The following CABIN1 variants were observed in gnomAD, a reference collection of about 807,000 sequenced individuals.
CABIN1 encodes the protein calcineurin binding protein 1.
CABIN1 carries 133 observed loss-of-function variants against 227.7 expected under a neutral mutation model. That is an observed-to-expected ratio of 0.58 (90% CI 0.51 to 0.67). The LOEUF is 0.67. Ranked by LOEUF, CABIN1 falls within the 30% of genes least tolerant of loss-of-function variation. The probability of loss-of-function intolerance (pLI) is 0.00; values close to 1 mark genes in which losing one functional copy is unlikely to be tolerated. For missense variants in CABIN1, 2,408 were observed against 2,852.5 expected, an observed-to-expected ratio of 0.84 and a Z score of 3.55; for synonymous variants, 1,086 against 1,155.1, an observed-to-expected ratio of 0.94 and a Z score of 1.21.
intron 24 of CABIN1, among the ~76,000 whole-genome samples, chr22:24,095,618 G>T (rs772520524): frequency 5.9e-5 from 9 of 152,216 alleles, no homozygotes; most frequent in Non-Finnish European, 1.0e-4. Context: ...CAGCAGCACT[G>T]TGGCGGGAGG....
chr22:24,165,677 A>C (rs1180594238), intron 31 of CABIN1, 51 bp downstream of exon 31: 1 of 1,482,864 alleles, frequency 6.7e-7, no homozygotes, highest in African/African-American at 1.4e-5. Context: ...CACGCTTCCA[A>C]GCCCTTCCCA....
chr22:24,078,813 A>G (rs1202920393), intron 19 of CABIN1, among the ~76,000 whole-genome samples: 3 of 152,060 alleles, frequency 2.0e-5, no homozygotes, highest in Non-Finnish European at 2.9e-5. Flanking sequence ...ACAAGAAAGC[A>G]TGCTCTTCAC....
chr22:24,056,517 G>C, intron 10 of CABIN1, 157 bp downstream of exon 10: 1 of 744,266 alleles, frequency 1.3e-6, no homozygotes, highest in Non-Finnish European at 2.2e-6. Context: ...AATCTCACTG[G>C]AGTAGGATCT....
chr22:24,090,798 C>T (rs1477121462), intron 23 of CABIN1, among the ~76,000 whole-genome samples: 2 of 152,104 alleles, frequency 1.3e-5, no homozygotes, highest in African/African-American at 4.8e-5. Flanking sequence ...TCCCTGCTAT[C>T]AATCCAGGAC....
intron 25 of CABIN1, 69 bp downstream of exon 25, chr22:24,096,151 C>A: frequency 1.3e-6 from 2 of 1,542,572 alleles, no homozygotes; most frequent in Non-Finnish European, 1.8e-6. Flanking sequence ...TCGTTTACTG[C>A]AATGTGTTGT....
intron 28 of CABIN1, among the ~76,000 whole-genome samples, chr22:24,123,286 C>T (rs1236044256): frequency 6.6e-6 from 1 of 152,196 alleles, no homozygotes; most frequent in Non-Finnish European, 1.5e-5. Flanking sequence ...CCTTGGTTCT[C>T]AGAAATGGAA....
intron 19 of CABIN1, among the ~76,000 whole-genome samples, chr22:24,077,708 C>G (rs2040538515): frequency 1.3e-5 from 2 of 152,224 alleles, no homozygotes; most frequent in Admixed American, 1.3e-4. Flanking sequence ...AACCAACCCT[C>G]TGCAGGGACA....
intron 33 of CABIN1, among the ~76,000 whole-genome samples, chr22:24,170,908 ACTC>A: frequency 6.6e-6 from 1 of 151,956 alleles, no homozygotes; most frequent in Non-Finnish European, 1.5e-5. Context: ...GGGTGGACCC[ACTC>A]CTCTGCTCAG....
In CABIN1 at chr22:24,178,582, C is replaced by A. The variant is rs948636017; in HGVS notation, c.*386C>A. Reference sequence around the variant, plus strand: ...GAGGGGTCCTTTAGGGCCAGGCTCACCCCTCACCCTTTTTTTGGTTGCTTT... The same window carrying A: ...GAGGGGTCCTTTAGGGCCAGGCTCAACCCTCACCCTTTTTTTGGTTGCTTT... On this transcript the variant is annotated 3_prime_UTR_variant, in exon 37 of 37. Transcript: ENST00000263119. The A allele has an allele frequency of 6.7e-6, 2 of 300,680 alleles. No homozygotes were observed. The highest frequency in any genetic ancestry group is 2.2e-5 in the African/African-American group (1 of 46,412). The allele number at this position is 300,680 out of a possible 1,614,324, so 18.6% of individuals were successfully genotyped here.
intron 29 of CABIN1, 47 bp from the exon 30 acceptor site, chr22:24,164,353 C>T (rs996329866): frequency 1.9e-6 from 3 of 1,597,892 alleles, no homozygotes; most frequent in Non-Finnish European, 2.5e-6. Flanking sequence ...CCCCGAGGCT[C>T]CTGCCACAAC....
At chr22:24,159,874 G>A in intron 29 of CABIN1, among the ~76,000 whole-genome samples, 1 of 152,226 alleles carries the variant, frequency 6.6e-6, no homozygotes, top group East Asian at 1.9e-4. Flanking sequence ...AGGCATTCCA[G>A]TGGCAGCCTG....
intron 20 of CABIN1, 71 bp from the exon 21 acceptor site, chr22:24,084,508 G>A (rs1274377765): frequency 8.3e-7 from 1 of 1,202,202 alleles, no homozygotes; most frequent in Non-Finnish European, 1.2e-6. Context: ...GCGTTTCTAT[G>A]GAGGAATGCA....
At position 24,036,423 on chromosome 22, in the gene CABIN1, T is replaced by C. The variant is rs368871540; in HGVS notation, c.96+242T>C. Among the ~76,000 whole-genome samples the C allele has an allele frequency of 2.0e-5, 3 of 152,324 alleles. No individual in the cohort carries two copies. In the East Asian group the frequency reaches 5.8e-4, roughly 29 times the overall value. ...AGCTCAGCCCCCAGGCCTACTTCCATGCACCCCATTCTTTGTGCAGCCCTC... is the reference window on the plus strand; with the variant it reads ...AGCTCAGCCCCCAGGCCTACTTCCACGCACCCCATTCTTTGTGCAGCCCTC... On this transcript the variant is annotated intron_variant, in intron 3 of 36. Transcript: ENST00000263119.
chr22:24,054,557 A>G (rs919054570), intron 8 of CABIN1, among the ~76,000 whole-genome samples: 4 of 152,284 alleles, frequency 2.6e-5, no homozygotes, highest in Admixed American at 2.6e-4. Context: ...AAGTGAGTCA[A>G]TGGATTTCAT....
At chr22:24,136,665 C>G (rs1255020113) in intron 29 of CABIN1, among the ~76,000 whole-genome samples, 1 of 150,722 alleles carries the variant, frequency 6.6e-6, no homozygotes, top group East Asian at 1.9e-4. Context: ...TGTGCCCGGC[C>G]TCCCATCCCT....
Position 24,164,544 on chromosome 22 carries a change from C to T in CABIN1, c.4891C>T (p.Arg1631Trp), listed in dbSNP as rs2046339850. Reference sequence around the variant, plus strand: ...GCTGAAGGTGTCCTCCATGCTTCAGCGGACCCCAGACCAGGGCAAGTGAGT... The same window carrying T: ...GCTGAAGGTGTCCTCCATGCTTCAGTGGACCCCAGACCAGGGCAAGTGAGT... The part of the protein sequence containing the change: ...TLLKVSSMLQ[R>W]TPDQGKKYLR... Residue 1631 changes from arginine (R) to tryptophan (W), a missense_variant, in exon 30 of 37, where the codon CGG becomes TGG. By Grantham distance (101) the Arg-to-Trp change is moderately radical. This residue lies in a region of CABIN1 where 649 missense variants were observed against 910.3 expected (regional missense o/e 0.71). Transcript: ENST00000263119. The T allele has an allele frequency of 1.2e-6, 2 of 1,604,756 alleles. No homozygotes were observed.
chr22:24,098,243 G>A (rs748685216), intron 26 of CABIN1, 51 bp downstream of exon 26: 12 of 1,608,292 alleles, frequency 7.5e-6, no homozygotes, highest in East Asian at 2.2e-5. Context: ...CATCAATCAC[G>A]GGGGGGTGCT....
chr22:24,059,082 T>C (rs1056224036), intron 10 of CABIN1, 145 bp from the exon 11 acceptor site: 62 of 936,738 alleles, frequency 6.6e-5, no homozygotes, highest in African/African-American at 1.6e-4. Flanking sequence ...CAGAGCCTCC[T>C]GGAGGCCTGG....
At chr22:24,128,445 A>G (rs1170219199) in intron 28 of CABIN1, among the ~76,000 whole-genome samples, 1 of 152,154 alleles carries the variant, frequency 6.6e-6, no homozygotes, top group Non-Finnish European at 1.5e-5. Context: ...GGGGATATTC[A>G]TGTCCTAGGT....
Sources: allele counts gnomAD v4.1 joint callset (sites outside exome capture counted in the v4.1 genomes callset), GRCh38; gene constraint gnomAD v4.1.1; regional missense constraint gnomAD v4.1.1; transcripts MANE v1.5; gene names NCBI Gene and HGNC (gene_info 2026-07-23, HGNC 2026-07-21).